Variants in ZNF804B observed in about 807,000 individuals in gnomAD.
ZNF804B encodes zinc finger 804B.
ZNF804B carries 80 observed loss-of-function variants against 101.4 expected under a neutral mutation model. The ratio of observed to expected loss-of-function variants is 0.79; its 90% CI spans 0.66 to 0.95. The LOEUF (loss-of-function observed/expected upper bound fraction) is 0.95. Ranked by LOEUF, ZNF804B falls within the 40% of genes least tolerant of loss-of-function variation. The pLI is 0.00. For synonymous variants in ZNF804B, 622 were observed against 558.8 expected (o/e 1.11, Z -1.59); for missense variants, 1,673 against 1,561.9 (o/e 1.07, Z -1.20).
Position 88,854,426 on chromosome 7 carries a change from T to TTC in ZNF804B, c.108+94342_108+94343insTC, listed in dbSNP as rs1562812622. On this transcript the variant is annotated intron_variant, in intron 1 of 3. Coordinates refer to ENST00000333190, the MANE Select transcript of ZNF804B (RefSeq NM_181646.5). ...TTCTTTCTTTCTTCCTTTCTTTCTT[T>TTC]CTTTCTTTCTTTCTTTCTTTCTTTC... Among the ~76,000 whole-genome samples the TTC allele has an allele frequency of 8.0e-4, 70 of 88,046 alleles. 1 individual carries two copies. Among genetic ancestry groups the TTC allele is most frequent in the African/African-American group, 2.9e-3 (61 of 20,886 alleles). 57.8% of individuals were successfully genotyped at this position (88,046 alleles called of 152,430 possible).
intron 1 of ZNF804B, among the ~76,000 whole-genome samples, chr7:88,839,315 T>C (rs1401000136): frequency 6.6e-6 from 1 of 152,048 alleles, no homozygotes; most frequent in Admixed American, 6.6e-5. Context: ...GTGCTTTATA[T>C]ACCTTTTTAT....
chr7:89,334,962 T>C lies in ZNF804B; in HGVS notation c.1980T>C (p.Pro660=). 1 of 1,613,938 alleles carries C rather than the reference T, an allele frequency of 6.2e-7. No individual in the cohort carries two copies. Among genetic ancestry groups the C allele is most frequent in the Non-Finnish European group, 8.5e-7 (1 of 1,179,910 alleles). The change falls in exon 4 of 4, where the codon CCT becomes CCC. Residue 660 remains proline, a synonymous_variant. Coordinates refer to ENST00000333190, the MANE Select transcript of ZNF804B (RefSeq NM_181646.5). The part of the protein sequence containing the change: ...DERQFNCKSS[P]CTVGGHSDHG... ...GACAATTCAACTGCAAGTCCAGTCC[T>C]TGTACAGTAGGGGGTCACAGTGACC...
intron 2 of ZNF804B, among the ~76,000 whole-genome samples, chr7:89,221,746 A>ATTCTT (rs1789007955): frequency 7.2e-6 from 1 of 138,752 alleles, no homozygotes; most frequent in Non-Finnish European, 1.6e-5. Flanking sequence ...ATTCTATTCT[A>ATTCTT]TTCTATCTAT....
intron 1 of ZNF804B, among the ~76,000 whole-genome samples, chr7:88,999,453 G>A (rs562672867): frequency 3.9e-5 from 6 of 151,990 alleles, no homozygotes; most frequent in African/African-American, 1.4e-4. Flanking sequence ...AGAAAAGTAT[G>A]AACAAGGGCA....
At chr7:89,113,964 A>C (rs377736968) in intron 1 of ZNF804B, among the ~76,000 whole-genome samples, 12 of 152,128 alleles carry the variant, frequency 7.9e-5, no homozygotes, top group East Asian at 3.9e-4. Flanking sequence ...AAGTAATTAA[A>C]AGGAATTTCC....
At chr7:88,835,557 A>C (rs1012251577) in intron 1 of ZNF804B, among the ~76,000 whole-genome samples, 1 of 151,988 alleles carries the variant, frequency 6.6e-6, no homozygotes, top group Non-Finnish European at 1.5e-5. Context: ...GCTTGAATTC[A>C]AATGAAAATA....
At chr7:89,055,669 C>A (rs969663202) in intron 1 of ZNF804B, among the ~76,000 whole-genome samples, 3 of 152,014 alleles carry the variant, frequency 2.0e-5, no homozygotes, top group Non-Finnish European at 1.5e-5. Context: ...CTCACACATG[C>A]GAGTGAACAC....
rs150950572 is a variant in ZNF804B, at chr7:89,336,471, A to G, written c.3489A>G (p.Leu1163=). The G allele has an allele frequency of 6.4e-5, 104 of 1,614,126 alleles. 2 individuals are homozygous for G. The African/African-American group carries it at 1.2e-3, about 19-fold the overall frequency. Reference sequence around the variant, plus strand: ...TAGATAAATATAAGATCCTACAGCTACAAGCCCAGCAGCATATGCAGAAGC... The same window carrying G: ...TAGATAAATATAAGATCCTACAGCTGCAAGCCCAGCAGCATATGCAGAAGC... ...DEIDKYKILQ[L]QAQQHMQKQL... is the part of the protein sequence containing the mutation. Residue 1163 remains leucine (L), a synonymous_variant, in exon 4 of 4, where the codon CTA becomes CTG. Coordinates refer to ENST00000333190, the MANE Select transcript of ZNF804B (RefSeq NM_181646.5).
intron 1 of ZNF804B, among the ~76,000 whole-genome samples, chr7:89,123,123 T>C (rs1026189352): frequency 6.7e-6 from 1 of 150,198 alleles, no homozygotes; most frequent in African/African-American, 2.5e-5. Flanking sequence ...TCCTAGAATA[T>C]GTAAGTAATT....
chr7:89,025,434 T>C (rs1373422545), intron 1 of ZNF804B, among the ~76,000 whole-genome samples: 2 of 152,114 alleles, frequency 1.3e-5, no homozygotes, highest in African/African-American at 4.8e-5. Flanking sequence ...CCAAAAATTA[T>C]ACTATTATAA....
intron 1 of ZNF804B, among the ~76,000 whole-genome samples, chr7:88,911,447 A>G (rs1249821055): frequency 6.7e-6 from 1 of 148,450 alleles, no homozygotes; most frequent in African/African-American, 2.4e-5. Context: ...TCTTATTTAT[A>G]TGATTTATAT....
intron 1 of ZNF804B, among the ~76,000 whole-genome samples, chr7:89,079,967 T>C (rs2116311204): frequency 6.6e-6 from 1 of 151,892 alleles, no homozygotes; most frequent in Non-Finnish European, 1.5e-5. Flanking sequence ...ACCTTGGAGG[T>C]TATGAGAAAC....
At chr7:89,127,458 C>T (rs1001515244) in intron 1 of ZNF804B, among the ~76,000 whole-genome samples, 1 of 151,786 alleles carries the variant, frequency 6.6e-6, no homozygotes, top group Non-Finnish European at 1.5e-5. Flanking sequence ...GAAAGTGCCT[C>T]AATGATCAGA....
intron 2 of ZNF804B, among the ~76,000 whole-genome samples, chr7:89,299,283 G>A (rs533994991): frequency 6.6e-6 from 1 of 152,048 alleles, no homozygotes; most frequent in African/African-American, 2.4e-5. Flanking sequence ...GGAATTCTAT[G>A]TTATGTCCTA....
chr7:89,100,022 T>A (rs1396301305), intron 1 of ZNF804B, among the ~76,000 whole-genome samples: 1 of 152,176 alleles, frequency 6.6e-6, no homozygotes, highest in Admixed American at 6.6e-5. Context: ...ACAAGGTGTA[T>A]TTCAGAAACC....
chr7:89,103,040 A>G (rs1180483939), intron 1 of ZNF804B, among the ~76,000 whole-genome samples: 2 of 52,534 alleles, frequency 3.8e-5, no homozygotes, highest in African/African-American at 1.5e-4. Flanking sequence ...CCATTGACCT[A>G]TGTGTCTGTT....
intron 1 of ZNF804B, among the ~76,000 whole-genome samples, chr7:88,836,203 T>C (rs1032952209): frequency 6.6e-6 from 1 of 151,952 alleles, no homozygotes; most frequent in East Asian, 1.9e-4. Context: ...AGAAGAATTG[T>C]TGGGGCAGAC....
chr7:89,284,424 ATGATATTATAGGAAAAATT>A (rs1421449603), intron 2 of ZNF804B, among the ~76,000 whole-genome samples: 4 of 152,228 alleles, frequency 2.6e-5, no homozygotes, highest in Non-Finnish European at 5.9e-5. Context: ...AGGAAAAATC[ATGATATTATAGGAAAAATT>A]TGAATTGCTT....
At chr7:89,166,238 AAG>A (rs1791141322) in intron 1 of ZNF804B, among the ~76,000 whole-genome samples, 1 of 152,154 alleles carries the variant, frequency 6.6e-6, no homozygotes, top group South Asian at 2.1e-4. Context: ...CTTAATCACC[AAG>A]TTGTACATTT....
Sources: gnomAD v4.1 joint callset for allele counts (sites outside exome capture counted in the v4.1 genomes callset) on GRCh38, gnomAD v4.1.1 for gene constraint, MANE v1.5 for transcripts, NCBI Gene and HGNC (gene_info 2026-07-23, HGNC 2026-07-21) for gene names.